Variants in HYDIN observed in about 807,000 individuals in gnomAD.
HYDIN encodes axonemal central pair apparatus protein HYDIN.
A neutral mutation model predicts 403.9 loss-of-function variants in HYDIN; 132 were observed. That is an observed-to-expected ratio of 0.33 (90% CI 0.28 to 0.38). The LOEUF (loss-of-function observed/expected upper bound fraction) is 0.38. Ranked by LOEUF, HYDIN falls within the 10% of genes least tolerant of loss-of-function variation. The pLI is 1.00. For missense variants in HYDIN, 2,827 were observed against 5,009.5 expected (o/e 0.56, Z 13.15); for synonymous variants, 1,202 against 1,891.7 (o/e 0.64, Z 9.46).
At chr16:70,934,001 C>T (rs2077426916) in intron 45 of HYDIN, among the ~76,000 whole-genome samples, 1 of 152,088 alleles carries the variant, frequency 6.6e-6, no homozygotes, top group African/African-American at 2.4e-5. Flanking sequence ...TGGATGGAGG[C>T]GGGTCCAGAA....
chr16:70,890,837 C>T (rs1484031586), intron 57 of HYDIN, among the ~76,000 whole-genome samples: 1 of 151,954 alleles, frequency 6.6e-6, no homozygotes, highest in East Asian at 1.9e-4. Context: ...TAGTAACAGG[C>T]AATAACAATA....
At chr16:70,861,452 C>T (rs2039411871) in intron 69 of HYDIN, among the ~76,000 whole-genome samples, 1 of 152,074 alleles carries the variant, frequency 6.6e-6, no homozygotes, top group Non-Finnish European at 1.5e-5. Context: ...TTCAAGTTTT[C>T]CTGGGAGCAA....
chr16:71,077,677 T>G (rs1385529928), intron 13 of HYDIN, among the ~76,000 whole-genome samples: 1 of 151,978 alleles, frequency 6.6e-6, no homozygotes, highest in Non-Finnish European at 1.5e-5. Context: ...TTGTTTTTTT[T>G]GTCTCTGAAA....
At chr16:70,871,944 C>T in intron 65 of HYDIN, 93 bp downstream of exon 65, 1 of 663,534 alleles carries the variant, frequency 1.5e-6, no homozygotes, top group Non-Finnish European at 2.7e-6. Flanking sequence ...GCATTAATTC[C>T]ATTCCATGCA....
At chr16:71,027,529 T>C in intron 20 of HYDIN, 73 bp downstream of exon 20, 3 of 1,565,260 alleles carry the variant, frequency 1.9e-6, no homozygotes, top group Non-Finnish European at 2.6e-6. Flanking sequence ...GTCAAGGGAC[T>C]TTCCTAAGAA....
At chr16:71,195,451 A>T (rs1042046167) in intron 1 of HYDIN, among the ~76,000 whole-genome samples, 1 of 152,202 alleles carries the variant, frequency 6.6e-6, no homozygotes, top group South Asian at 2.1e-4. Context: ...CATTTTCACA[A>T]GAAAATATCA....
At chr16:70,922,867 G>A (rs534074848) in intron 45 of HYDIN, among the ~76,000 whole-genome samples, 2 of 145,454 alleles carry the variant, frequency 1.4e-5, no homozygotes, top group Admixed American at 7.0e-5. Context: ...TTCTGGGCTC[G>A]GTAATTCTCC....
At chr16:71,153,304 C>T (rs1385363682) in intron 6 of HYDIN, among the ~76,000 whole-genome samples, 2 of 152,082 alleles carry the variant, frequency 1.3e-5, no homozygotes, top group Non-Finnish European at 2.9e-5. Flanking sequence ...GGGATAGCAC[C>T]CTCACTCGCC....
intron 44 of HYDIN, 91 bp from the exon 45 acceptor site, chr16:70,936,205 G>A (rs375478256): frequency 1.2e-5 from 16 of 1,290,748 alleles, no homozygotes; most frequent in Non-Finnish European, 1.8e-5. Flanking sequence ...GGGACATTGG[G>A]CAGAGCTTTC....
intron 72 of HYDIN, among the ~76,000 whole-genome samples, chr16:70,856,743 C>T (rs1318449600): frequency 1.3e-5 from 2 of 152,162 alleles, no homozygotes; most frequent in Non-Finnish European, 2.9e-5. Flanking sequence ...CTTATTTGTT[C>T]AAAATCTTAA....
chr16:71,201,281 C>A (rs1356413103), intron 1 of HYDIN, among the ~76,000 whole-genome samples: 2 of 152,144 alleles, frequency 1.3e-5, no homozygotes, highest in Non-Finnish European at 2.9e-5. Context: ...GGCATAGAGT[C>A]AATAAATATT....
chr16:70,984,626 C>T (rs931689452), intron 28 of HYDIN, among the ~76,000 whole-genome samples: 26 of 148,944 alleles, frequency 1.7e-4, no homozygotes, highest in African/African-American at 5.6e-4. Flanking sequence ...GATGATGGTG[C>T]TCATTATCTT....
intron 8 of HYDIN, chr16:71,133,392 T>C (rs1437532310): frequency 1.9e-5 from 7 of 376,524 alleles, no homozygotes. Context: ...ACCACGTAAA[T>C]CTTCGGATTT....
At chr16:71,131,510 CA>C (rs2084708918) in intron 8 of HYDIN, 2 of 142,398 alleles carry the variant, frequency 1.4e-5, no homozygotes, top group African/African-American at 5.2e-5. Context: ...TGGATATAAA[CA>C]AAGACACAGC....
rs541724962 is a variant in HYDIN, at chr16:71,153,621, G to A, written c.717-838C>T. On this transcript the variant is annotated intron_variant, in intron 6 of 85. Transcript: ENST00000393567. ...TCATTGTCTACCAGACCCTCACTGG[G>A]TGAACACAACCAGAGCCAGAAATGC... is the stretch of plus-strand genomic sequence containing the variant. 6.0e-5 allele frequency among the ~76,000 whole-genome samples: 9 copies of A among 151,244 alleles called. No homozygotes were observed. In the South Asian group the frequency reaches 1.9e-3, roughly 32 times the overall value.
At chr16:71,118,319 T>A (rs1439262313) in intron 9 of HYDIN, among the ~76,000 whole-genome samples, 9 of 149,722 alleles carry the variant, frequency 6.0e-5, no homozygotes, top group Admixed American at 4.0e-4. Context: ...CCTGTGAGAA[T>A]GAAGGCTCCA....
chr16:71,071,779 A>G (rs1390924277), intron 13 of HYDIN, among the ~76,000 whole-genome samples: 4 of 152,366 alleles, frequency 2.6e-5, no homozygotes, highest in Non-Finnish European at 5.9e-5. Context: ...CGTCTCTACT[A>G]GAGAAAGGAC....
chr16:70,989,342 C>A (rs1480070115), intron 25 of HYDIN, among the ~76,000 whole-genome samples: 1 of 152,018 alleles, frequency 6.6e-6, no homozygotes, highest in Non-Finnish European at 1.5e-5. Flanking sequence ...CTGGCCTATT[C>A]TTGAGTTTTC....
intron 1 of HYDIN, among the ~76,000 whole-genome samples, chr16:71,213,387 T>G (rs188334431): frequency 3.3e-5 from 5 of 152,270 alleles, no homozygotes; most frequent in Admixed American, 3.3e-4. Context: ...TATCAACATT[T>G]AAGTCAGGAG....
Sources: allele counts gnomAD v4.1 joint callset (sites outside exome capture counted in the v4.1 genomes callset), GRCh38; gene constraint gnomAD v4.1.1; transcripts MANE v1.5; gene names NCBI Gene and HGNC (gene_info 2026-07-23, HGNC 2026-07-21).